Variants in PRKN observed in about 807,000 individuals in gnomAD.
The protein encoded by PRKN is E3 ubiquitin-protein ligase parkin.
In PRKN, 56 loss-of-function variants were observed where a neutral mutation model predicts 59.5. The observed-to-expected ratio is 0.94, with a 90% CI of 0.76 to 1.18. PRKN has a LOEUF of 1.18. PRKN is among the 50% of genes most tolerant of loss of function. The probability of loss-of-function intolerance (pLI) is 0.00; values close to 1 mark genes in which losing one functional copy is unlikely to be tolerated. For synonymous variants in PRKN, 250 were observed against 222.1 expected, an observed-to-expected ratio of 1.13 and a Z score of -1.12; for missense variants, 657 against 596.4, an observed-to-expected ratio of 1.10 and a Z score of -1.06.
intron 1 of PRKN, among the ~76,000 whole-genome samples, chr6:162,645,735 T>TTTGATAGC (rs992155274): frequency 5.9e-5 from 9 of 152,174 alleles, no homozygotes; most frequent in Non-Finnish European, 1.0e-4. Context: ...GATGAGATTG[T>TTTGATAGC]TTGATAGCCA....
intron 2 of PRKN, among the ~76,000 whole-genome samples, chr6:162,313,926 T>C (rs528788003): frequency 6.6e-6 from 1 of 152,332 alleles, no homozygotes; most frequent in South Asian, 2.1e-4. Context: ...TACTGCTGTG[T>C]AAATACTATT....
intron 4 of PRKN, among the ~76,000 whole-genome samples, chr6:162,188,513 T>C (rs1398392254): frequency 6.6e-6 from 1 of 152,218 alleles, no homozygotes; most frequent in African/African-American, 2.4e-5. Context: ...ATAGGCCCTA[T>C]CCACAACCCA....
At chr6:162,086,917 A>G (rs1199975017) in intron 4 of PRKN, among the ~76,000 whole-genome samples, 1 of 152,194 alleles carries the variant, frequency 6.6e-6, no homozygotes, top group African/African-American at 2.4e-5. Context: ...ATTGCTGAAG[A>G]ATTAATTATA....
chr6:162,560,540 T>G (rs1583805771), intron 1 of PRKN, among the ~76,000 whole-genome samples: 1 of 152,280 alleles, frequency 6.6e-6, no homozygotes, highest in Non-Finnish European at 1.5e-5. Context: ...AAGTTATTTT[T>G]AATACACTTA....
chr6:161,773,955 C>T (rs778251320), intron 7 of PRKN, among the ~76,000 whole-genome samples: 5 of 152,076 alleles, frequency 3.3e-5, no homozygotes, highest in South Asian at 2.1e-4. Flanking sequence ...CTGTTTCAAA[C>T]GGACGGACGG....
intron 9 of PRKN, among the ~76,000 whole-genome samples, chr6:161,534,779 T>C (rs1779352149): frequency 1.3e-5 from 2 of 152,146 alleles, no homozygotes; most frequent in African/African-American, 4.8e-5. Flanking sequence ...GAATAAACAA[T>C]TTTCCCCTAC....
At chr6:162,328,036 T>A (rs1310454859) in intron 2 of PRKN, among the ~76,000 whole-genome samples, 1 of 133,462 alleles carries the variant, frequency 7.5e-6, no homozygotes, top group Non-Finnish European at 1.7e-5. Context: ...GCCCTCAACG[T>A]TCCCACGTGA....
intron 1 of PRKN, among the ~76,000 whole-genome samples, chr6:162,462,373 G>C (rs1055267653): frequency 6.6e-6 from 1 of 152,220 alleles, no homozygotes; most frequent in South Asian, 2.1e-4. Context: ...ATTAGATTGA[G>C]AGTGATTGTA....
chr6:161,974,012 A>G (rs1457459642), intron 5 of PRKN, among the ~76,000 whole-genome samples: 1 of 152,228 alleles, frequency 6.6e-6, no homozygotes, highest in Non-Finnish European at 1.5e-5. Context: ...CGCGCCTGTA[A>G]TCCCAGCACT....
chr6:162,115,017 A>C (rs1483404897), intron 4 of PRKN, among the ~76,000 whole-genome samples: 2 of 151,784 alleles, frequency 1.3e-5, no homozygotes, highest in African/African-American at 2.4e-5. Context: ...AGGACTATAA[A>C]TCATGCTGCT....
intron 2 of PRKN, among the ~76,000 whole-genome samples, chr6:162,442,348 C>T (rs1200503981): frequency 6.6e-6 from 1 of 152,174 alleles, no homozygotes; most frequent in Non-Finnish European, 1.5e-5. Context: ...TTAATTGATG[C>T]TGGTTAAGAA....
intron 1 of PRKN, among the ~76,000 whole-genome samples, chr6:162,466,107 C>G (rs1309945746): frequency 2.0e-5 from 3 of 152,096 alleles, no homozygotes; most frequent in Non-Finnish European, 4.4e-5. Context: ...GAAACATGCC[C>G]AGCTTATTAT....
At chr6:161,671,141 A>G (rs1337940618) in intron 7 of PRKN, among the ~76,000 whole-genome samples, 2 of 152,184 alleles carry the variant, frequency 1.3e-5, no homozygotes, top group Non-Finnish European at 2.9e-5. Context: ...GCCCGGGCGC[A>G]GATGGGATAC....
In PRKN at chr6:162,220,761, G is replaced by T. The variant is rs367799124; in HGVS notation, c.413-19509C>A. The stretch of plus-strand genomic sequence containing the variant: ...CAGCCAAGGGGAGGGGCAGGCAGCC[G>T]TCAGGGAAAAGTACTCAAAAAGGCA... On this transcript the variant is annotated intron_variant, in intron 3 of 11. Transcript: ENST00000366898. Among the ~76,000 whole-genome samples, 318 of 152,326 alleles carry T rather than the reference G, an allele frequency of 2.1e-3. 1 individual carries two copies. The highest frequency in any genetic ancestry group is 7.2e-3 in the African/African-American group (299 of 41,574).
chr6:162,631,587 A>G (rs1783111107), intron 1 of PRKN, among the ~76,000 whole-genome samples: 1 of 152,084 alleles, frequency 6.6e-6, no homozygotes, highest in Non-Finnish European at 1.5e-5. Context: ...AATTCTGGAT[A>G]TTAGGCCTTT....
chr6:162,216,716 C>T (rs1777687658), intron 3 of PRKN, among the ~76,000 whole-genome samples: 1 of 152,056 alleles, frequency 6.6e-6, no homozygotes, highest in African/African-American at 2.4e-5. Context: ...CACGGCCACA[C>T]AGCCAGGACA....
At chr6:162,146,468 C>A (rs764266492) in intron 4 of PRKN, among the ~76,000 whole-genome samples, 7 of 149,870 alleles carry the variant, frequency 4.7e-5, no homozygotes, top group Non-Finnish European at 1.0e-4. Flanking sequence ...ATATACTAAA[C>A]ATATATATAT....
intron 7 of PRKN, among the ~76,000 whole-genome samples, chr6:161,705,412 T>C (rs1007284051): frequency 1.1e-4 from 16 of 152,192 alleles, no homozygotes; most frequent in Non-Finnish European, 2.9e-5. Context: ...AAAAACAAGG[T>C]TGGATTGGTA....
chr6:162,466,322 G>A (rs374967302), intron 1 of PRKN, among the ~76,000 whole-genome samples: 1 of 152,162 alleles, frequency 6.6e-6, no homozygotes, highest in East Asian at 1.9e-4. Context: ...TTGCAGAATA[G>A]GCTTTGTGTG....
Sources: gnomAD v4.1 joint callset for allele counts (sites outside exome capture counted in the v4.1 genomes callset) on GRCh38, gnomAD v4.1.1 for gene constraint, MANE v1.5 for transcripts, NCBI Gene and HGNC (gene_info 2026-07-23, HGNC 2026-07-21) for gene names.